Variants in CD46 observed in about 807,000 individuals in gnomAD.
CD46 encodes membrane cofactor protein.
CD46 carries 30 observed loss-of-function variants against 53.3 expected under a neutral mutation model. The observed-to-expected ratio is 0.56, with a 90% CI of 0.42 to 0.76. CD46 has a LOEUF of 0.76. Among genes scored for constraint, CD46 ranks in the 30% least tolerant of loss-of-function variants. The pLI is 0.00. For synonymous variants in CD46, 142 were observed against 152.0 expected (o/e 0.93, Z 0.48); for missense variants, 409 against 463.0 (o/e 0.88, Z 1.07).
chr1:207,752,294 C>T lies in CD46; in HGVS notation c.82C>T (p.Leu28=). ...GCTTCTGGCGGCCATGGTGTTGCTG[C>T]TGTACTCCTTCTCCGGTAGGACCCC... ...GLLLAAMVLL[L]YSFSDACEEP... Residue 28 remains leucine, a synonymous_variant, in exon 1 of 13, where the codon CTG becomes TTG. Coordinates refer to ENST00000367042, the MANE Select transcript of CD46 (RefSeq NM_172351.3). The surrounding 1 kb of genome is among the most constrained non-coding windows in gnomAD (Gnocchi z 4.1). 5 of 1,614,088 alleles carry T rather than the reference C, an allele frequency of 3.1e-6. No individual in the cohort carries two copies. Among genetic ancestry groups the T allele is most frequent in the Non-Finnish European group, 4.2e-6 (5 of 1,179,966 alleles).
At chr1:207,756,991 T>C (rs1263402578) in intron 1 of CD46, 23 bp from the exon 2 acceptor site, 1 of 1,599,538 alleles carries the variant, frequency 6.3e-7, no homozygotes, top group South Asian at 1.1e-5. Context: ...TTCATCTTCA[T>C]GTTCCTATTC....
At chr1:207,767,542 A>T in intron 6 of CD46, 1 of 1,262,384 alleles carries the variant, frequency 7.9e-7, no homozygotes, top group Non-Finnish European at 1.2e-6. Flanking sequence ...GGCATAATTC[A>T]TATAAATGAA....
In CD46 at chr1:207,755,718, G is replaced by A. The variant is rs1287831388; in HGVS notation, c.98-1296G>A. 2.0e-5 allele frequency among the ~76,000 whole-genome samples: 3 copies of A among 152,214 alleles called. No homozygotes were observed. The East Asian group carries it at 5.8e-4, about 29-fold the overall frequency. On this transcript the variant is annotated intron_variant, in intron 1 of 12. Coordinates refer to ENST00000367042, the MANE Select transcript of CD46 (RefSeq NM_172351.3). ...CTTACTGGGCATACTACAATGCAAA[G>A]AGAGCAGTCCATATCTGGTCACCTG... is the stretch of plus-strand genomic sequence containing the variant.
intron 3 of CD46, 80 bp from the exon 4 acceptor site, chr1:207,759,559 C>A (rs926526866): frequency 2.6e-6 from 2 of 775,902 alleles, no homozygotes; most frequent in Non-Finnish European, 4.5e-6. Flanking sequence ...AGAAAAGAAA[C>A]CATATAAAAA....
intron 8 of CD46, among the ~76,000 whole-genome samples, chr1:207,774,708 G>T (rs1398445396): frequency 2.0e-5 from 3 of 152,286 alleles, no homozygotes; most frequent in African/African-American, 2.4e-5. Context: ...TTGAATATTG[G>T]CCCCCATTCT....
chr1:207,766,064 A>G (rs1399733549), intron 5 of CD46, among the ~76,000 whole-genome samples: 1 of 152,234 alleles, frequency 6.6e-6, no homozygotes, highest in African/African-American at 2.4e-5. Context: ...CTGTAATTTC[A>G]TTTATGTGAC....
chr1:207,752,100 G>A lies in CD46; in HGVS notation c.-113G>A. 1 of 1,013,314 alleles carries A rather than the reference G, an allele frequency of 9.9e-7. No homozygotes were observed. The highest frequency in any genetic ancestry group is 1.6e-6 in the Non-Finnish European group (1 of 644,596). The allele number at this position is 1,013,314 out of a possible 1,614,324, so 62.8% of individuals were successfully genotyped here. On this transcript the variant is annotated 5_prime_UTR_variant, in exon 1 of 13. Transcript: ENST00000367042. The surrounding 1 kb of genome is among the most constrained non-coding windows in gnomAD (Gnocchi z 4.1). ...TGTCCTGCAGCACTGGATGCTTTGT[G>A]AGTTGGGGATTGTTGCGTCCCATAT...
In CD46 at chr1:207,775,193, C is replaced by T. The variant is rs372490710; in HGVS notation, c.943+4831C>T. Reference sequence around the variant, plus strand: ...AATCAGCTATTGAAGCTTGTGCATGCGTCACGAAGTTCTTGTGCCGTGGTT... The same window carrying T: ...AATCAGCTATTGAAGCTTGTGCATGTGTCACGAAGTTCTTGTGCCGTGGTT... On this transcript the variant is annotated intron_variant, in intron 8 of 12. Transcript: ENST00000367042. Among the ~76,000 whole-genome samples the T allele has an allele frequency of 9.2e-5, 14 of 152,260 alleles. No homozygotes were observed. The South Asian group carries it at 1.7e-3, about 18-fold the overall frequency.
At chr1:207,759,561 A>G in intron 3 of CD46, 78 bp from the exon 4 acceptor site, 1 of 783,908 alleles carries the variant, frequency 1.3e-6, no homozygotes, top group Admixed American at 2.1e-5. Context: ...AAAAGAAACC[A>G]TATAAAAAAT....
At chr1:207,765,435 C>T (rs1656733664) in intron 5 of CD46, among the ~76,000 whole-genome samples, 1 of 152,148 alleles carries the variant, frequency 6.6e-6, no homozygotes, top group Non-Finnish European at 1.5e-5. Flanking sequence ...ACCTTACTTA[C>T]ATTTCTGTCT....
At chr1:207,784,896 A>T (rs117033361) in intron 9 of CD46, among the ~76,000 whole-genome samples, 175 bp from the exon 10 acceptor site, 1 of 152,212 alleles carries the variant, frequency 6.6e-6, no homozygotes, top group African/African-American at 2.4e-5. Flanking sequence ...CCATGATTCA[A>T]TTACCTCTCA....
At chr1:207,759,804 G>A in intron 4 of CD46, 80 bp downstream of exon 4, 2 of 744,634 alleles carry the variant, frequency 2.7e-6, no homozygotes, top group Non-Finnish European at 4.7e-6. Flanking sequence ...TACACTTTAA[G>A]ATTAACAAAG....
chr1:207,782,964 C>T (rs1346374578), intron 8 of CD46, among the ~76,000 whole-genome samples: 1 of 151,832 alleles, frequency 6.6e-6, no homozygotes, highest in East Asian at 1.9e-4. Flanking sequence ...ATCCCTCTAT[C>T]TTTTAATTTT....
chr1:207,769,711 TATC>T (rs1657251578), intron 7 of CD46: 1 of 152,226 alleles, frequency 6.6e-6, no homozygotes, highest in Non-Finnish European at 1.5e-5. Flanking sequence ...AATTATGTAG[TATC>T]ATACTACTTA....
intron 4 of CD46, 117 bp downstream of exon 4, chr1:207,759,841 G>T (rs1655985850): frequency 7.6e-6 from 5 of 654,536 alleles, no homozygotes; most frequent in Non-Finnish European, 1.1e-5. Context: ...TTTTATGTGG[G>T]TTATATCTAT....
intron 5 of CD46, 79 bp downstream of exon 5, chr1:207,761,525 C>T (rs1656214042): frequency 6.8e-6 from 8 of 1,180,708 alleles, no homozygotes; most frequent in Non-Finnish European, 1.0e-5. Flanking sequence ...TACAGATAAA[C>T]AAAGCAGGTG....
In CD46 at chr1:207,752,076, G is replaced by C; in HGVS notation, c.-137G>C. ...GGCGCGGCTCGGGCCACGCCCACCT[G>C]TCCTGCAGCACTGGATGCTTTGTGA... On this transcript the variant is annotated 5_prime_UTR_variant, in exon 1 of 13. Transcript: ENST00000367042. This position sits in a 1 kb window ranked among gnomAD's most constrained non-coding sequence, Gnocchi z 4.1. 1.1e-6 allele frequency: 1 copy of C among 911,132 alleles called. No individual in the cohort carries two copies. Among genetic ancestry groups the C allele is most frequent in the South Asian group, 1.3e-5 (1 of 75,696 alleles). The allele number at this position is 911,132 out of a possible 1,614,324, so 56.4% of individuals were successfully genotyped here.
Position 207,761,257 on chromosome 1 carries a change from T to G in CD46, c.484T>G (p.Cys162Gly). ...TTTTCTTCATTTTTAAGAGGTTTTG[T>G]GTACACCACCTCCAAAAATAAAAAA... ...GKPPICEKVL[C>G]TPPPKIKNGK... Residue 162 changes from cysteine (C) to glycine (G), a missense_variant, in exon 5 of 13, where the codon TGT becomes GGT. Physicochemically the swap from Cys to Gly is radical, Grantham distance 159. Coordinates refer to ENST00000367042, the MANE Select transcript of CD46 (RefSeq NM_172351.3). 6.2e-7 allele frequency: 1 copy of G among 1,605,270 alleles called. No individual in the cohort carries two copies. The highest frequency in any genetic ancestry group is 8.5e-7 in the Non-Finnish European group (1 of 1,172,246).
intron 4 of CD46, 42 bp from the exon 5 acceptor site, chr1:207,761,205 CTT>C: frequency 7.7e-7 from 1 of 1,295,092 alleles, no homozygotes; most frequent in Non-Finnish European, 1.1e-6. Context: ...CTAATGCTGT[CTT>C]AATCTTTTAC....
Sources: allele counts gnomAD v4.1 joint callset (sites outside exome capture counted in the v4.1 genomes callset), GRCh38; gene constraint gnomAD v4.1.1; non-coding constraint Gnocchi (gnomAD v3.1); transcripts MANE v1.5; gene names NCBI Gene and HGNC (gene_info 2026-07-23, HGNC 2026-07-21).